The following NOC3L variants were observed in gnomAD, a reference collection of about 807,000 sequenced individuals.
NOC3L encodes the protein nucleolar complex protein 3 homolog.
Under a neutral mutation model 102.5 loss-of-function variants are expected in NOC3L, and 85 were observed. The ratio of observed to expected loss-of-function variants is 0.83; its 90% confidence interval spans 0.70 to 0.99. The LOEUF is 0.99. Among genes scored for constraint, NOC3L ranks in the 50% least tolerant of loss-of-function variants. NOC3L has a pLI of 0.00. For synonymous variants in NOC3L, 303 were observed against 309.4 expected (o/e 0.98, Z 0.22); for missense variants, 878 against 914.9 (o/e 0.96, Z 0.52).
At chr10:94,355,370 TCAGG>T (rs1226614276) in intron 5 of NOC3L, among the ~76,000 whole-genome samples, 1 of 150,380 alleles carries the variant, frequency 6.6e-6, no homozygotes, top group Non-Finnish European at 1.5e-5. Context: ...GGATTCAAAC[TCAGG>T]CAGTCTGATT....
intron 6 of NOC3L, among the ~76,000 whole-genome samples, chr10:94,353,823 A>C (rs532134528): frequency 6.6e-6 from 1 of 152,224 alleles, no homozygotes; most frequent in Non-Finnish European, 1.5e-5. Context: ...TTAACCAAAT[A>C]TATCAGTCAT....
In NOC3L at chr10:94,358,221, C is replaced by CCACACA; in HGVS notation, c.218-12_218-7dup. On this transcript the variant is annotated splice_polypyrimidine_tract_variant and splice_region_variant and intron_variant, in intron 2 of 20. Coordinates refer to ENST00000371361, the MANE Select transcript of NOC3L (RefSeq NM_022451.11). ...TTCCCTCTCAATCCTTTTACCTGTACCACACACACACACACACAAAGAAAA... is the reference window on the plus strand; with the variant it reads ...TTCCCTCTCAATCCTTTTACCTGTACCACACACACACACACACACACACAAAGAAAA... 2 of 1,229,058 alleles carry CCACACA rather than the reference C, an allele frequency of 1.6e-6. No individual in the cohort carries two copies. Among genetic ancestry groups the CCACACA allele is most frequent in the Non-Finnish European group, 1.2e-6 (1 of 841,730 alleles). The allele number at this position is 1,229,058 out of a possible 1,614,324, so 76.1% of individuals were successfully genotyped here.
chr10:94,355,381 G>A (rs1378741975), intron 5 of NOC3L, among the ~76,000 whole-genome samples: 4 of 151,030 alleles, frequency 2.6e-5, no homozygotes, highest in Non-Finnish European at 5.9e-5. Context: ...CAGGCAGTCT[G>A]ATTCTAGAAC....
In NOC3L at chr10:94,357,213, CT is replaced by C; in HGVS notation, c.468del (p.Asp157IlefsTer5). The C allele has an allele frequency of 6.3e-7, 1 of 1,599,848 alleles. No homozygotes were observed. The highest frequency in any genetic ancestry group is 1.1e-5 in the South Asian group (1 of 88,134). ...GTCTGTGGGATTATACCACTTTTAT[CT>C]TTGATAGGAAGTAAATGAATCAGTT... is the stretch of plus-strand genomic sequence containing the variant. ...EKELIHLLPI[K>X]DKSGIIPQTR... On this transcript the variant is annotated frameshift_variant, in exon 4 of 21. Coordinates refer to ENST00000371361, the MANE Select transcript of NOC3L (RefSeq NM_022451.11). LOFTEE classifies it high-confidence loss of function.
chr10:94,324,611 A>T, the NOC3L span: 1 of 1,424,632 alleles, frequency 7.0e-7, no homozygotes, highest in South Asian at 1.1e-5. Context: ...GTTATCTGAT[A>T]CCCATAATTA....
At position 94,362,684 on chromosome 10, in the gene NOC3L, G is replaced by C. The variant is rs958631169; in HGVS notation, c.9+146C>G. 7.5e-6 allele frequency: 6 copies of C among 804,290 alleles called. No homozygotes were observed. The African/African-American group carries it at 8.5e-5, about 11-fold the overall frequency. 49.8% of individuals were successfully genotyped at this position (804,290 alleles called of 1,614,324 possible). The stretch of plus-strand genomic sequence containing the variant: ...GCACACAGTGGGTAACCAAGGATGA[G>C]CTCGGTGTAAGGAATGGAAAGCCCC... On this transcript the variant is annotated intron_variant, in intron 1 of 20. Transcript: ENST00000371361.
intron 10 of NOC3L, 72 bp from the exon 11 acceptor site, chr10:94,346,628 G>T: frequency 2.3e-6 from 2 of 852,010 alleles, no homozygotes; most frequent in South Asian, 2.6e-5. Flanking sequence ...ACATAGAAAA[G>T]CATTTAACAG....
chr10:94,352,461 T>C, intron 7 of NOC3L, 58 bp from the exon 8 acceptor site: 1 of 1,179,182 alleles, frequency 8.5e-7, no homozygotes, highest in Admixed American at 1.9e-5. Flanking sequence ...AAGCCCAAAA[T>C]TAGTATAAAA....
In NOC3L at chr10:94,350,277, T is replaced by A; in HGVS notation, c.964A>T (p.Arg322Trp). The part of the protein sequence containing the change: ...LEQMVKDWKQ[R>W]KLKKSNVVSL... ...ACTACATTACTTTTCTTCAGCTTCCTCTGCTTCCAATCTAATCAAAAGATA... is the reference window on the plus strand; with the variant it reads ...ACTACATTACTTTTCTTCAGCTTCCACTGCTTCCAATCTAATCAAAAGATA... The change falls in exon 9 of 21, where the codon AGG becomes TGG. Residue 322 changes from arginine to tryptophan, a missense_variant. Arg to Trp is a moderately radical substitution (Grantham distance 101). Coordinates refer to ENST00000371361, the MANE Select transcript of NOC3L (RefSeq NM_022451.11). 6.2e-7 allele frequency: 1 copy of A among 1,614,070 alleles called. No homozygotes were observed. Among genetic ancestry groups the A allele is most frequent in the East Asian group, 2.2e-5 (1 of 44,886 alleles).
At chr10:94,315,786 A>G in the NOC3L span, among the ~76,000 whole-genome samples, 1 of 150,778 alleles carries the variant, frequency 6.6e-6, no homozygotes, top group African/African-American at 2.5e-5. Flanking sequence ...AAAAAAAAAA[A>G]AAAAGTAACT....
intron 14 of NOC3L, among the ~76,000 whole-genome samples, chr10:94,340,772 G>T (rs1470130380): frequency 2.0e-4 from 30 of 151,950 alleles, no homozygotes; most frequent in Admixed American, 2.0e-3. Context: ...ACGAGGTCAG[G>T]AGATCAAGAC....
intron 14 of NOC3L, among the ~76,000 whole-genome samples, chr10:94,341,095 C>T (rs1006308521): frequency 2.0e-5 from 3 of 151,858 alleles, no homozygotes; most frequent in African/African-American, 7.3e-5. Context: ...TCACCTGAGC[C>T]CTGGAAGGTC....
At chr10:94,315,011 T>A in the NOC3L span, 1 of 162,224 alleles carries the variant, frequency 6.2e-6, no homozygotes, top group Non-Finnish European at 1.3e-5. Flanking sequence ...GAGCCACCCA[T>A]AGCAGTCCAT....
downstream of NOC3L, chr10:94,332,399 C>T (rs2054170169): frequency 6.6e-6 from 1 of 152,116 alleles, no homozygotes; most frequent in Non-Finnish European, 1.5e-5. Context: ...CCACCCCACT[C>T]TTAAGTGCCA....
At chr10:94,353,488 C>T (rs1301611297) in intron 6 of NOC3L, among the ~76,000 whole-genome samples, 2 of 152,040 alleles carry the variant, frequency 1.3e-5, no homozygotes, top group Non-Finnish European at 2.9e-5. Context: ...ACATGAACTA[C>T]CAGAGTGAGA....
In NOC3L at chr10:94,336,790, T is replaced by G. The variant is rs183663483; in HGVS notation, c.2189+987A>C. On this transcript the variant is annotated intron_variant, in intron 19 of 20. Coordinates refer to ENST00000371361, the MANE Select transcript of NOC3L (RefSeq NM_022451.11). Reference sequence around the variant, plus strand: ...TATTTAAAAAAAGGTAATTACTGGCTGGGCACAGTGGCTCACGCCTGTAAT... The same window carrying G: ...TATTTAAAAAAAGGTAATTACTGGCGGGGCACAGTGGCTCACGCCTGTAAT... Among the ~76,000 whole-genome samples the G allele has an allele frequency of 1.6e-3, 236 of 151,248 alleles. 2 individuals carry two copies. The highest frequency in any genetic ancestry group is 5.4e-3 in the African/African-American group (223 of 41,332).
At chr10:94,345,228 T>C (rs1227931331) in intron 11 of NOC3L, among the ~76,000 whole-genome samples, 3 of 152,106 alleles carry the variant, frequency 2.0e-5, no homozygotes, top group Admixed American at 6.6e-5. Context: ...TCTATTAATA[T>C]TTGCTCATTC....
intron 7 of NOC3L, among the ~76,000 whole-genome samples, 167 bp downstream of exon 7, chr10:94,352,729 G>C (rs572665904): frequency 2.0e-5 from 3 of 152,096 alleles, no homozygotes; most frequent in African/African-American, 7.2e-5. Flanking sequence ...GGCTGAGGCA[G>C]GAGAATCACT....
intron 8 of NOC3L, among the ~76,000 whole-genome samples, chr10:94,351,633 T>G (rs1270123367): frequency 2.0e-5 from 3 of 151,856 alleles, no homozygotes; most frequent in African/African-American, 7.3e-5. Flanking sequence ...ACTCAAGTGA[T>G]CCTCTCAGCT....
Sources: allele counts gnomAD v4.1 joint callset (sites outside exome capture counted in the v4.1 genomes callset), GRCh38; gene constraint gnomAD v4.1.1; transcripts MANE v1.5; gene names NCBI Gene and HGNC (gene_info 2026-07-23, HGNC 2026-07-21).